Variants in RIMBP2 observed in about 807,000 individuals in gnomAD.
RIMBP2 encodes RIMS-binding protein 2.
In RIMBP2, 48 loss-of-function variants were observed where a neutral mutation model predicts 118.6. That is an observed-to-expected ratio of 0.40 (90% CI 0.32 to 0.51). RIMBP2 has a LOEUF of 0.51. RIMBP2 is among the 20% of genes least tolerant of loss of function. The pLI is 0.41. For synonymous variants in RIMBP2, 762 were observed against 742.9 expected, an observed-to-expected ratio of 1.03 and a Z score of -0.42; for missense variants, 1,551 against 1,768.3, an observed-to-expected ratio of 0.88 and a Z score of 2.20.
intron 1 of RIMBP2, among the ~76,000 whole-genome samples, chr12:130,664,374 TGCACGCACGCGCATGCACACACAC>T (rs2063780506): frequency 9.4e-6 from 1 of 106,100 alleles, no homozygotes; most frequent in African/African-American, 3.1e-5. Context: ...TGCACGTGCA[TGCACGCACGCGCATGCACACACAC>T]GCACGCACGC....
chr12:130,434,764 G>T lies in RIMBP2; in HGVS notation c.2223C>A (p.Asp741Glu). The T allele has an allele frequency of 6.2e-7, 1 of 1,613,644 alleles. No homozygotes were observed. The highest frequency in any genetic ancestry group is 8.5e-7 in the Non-Finnish European group (1 of 1,179,978). The change falls in exon 14 of 23, where the codon GAC (aspartate) becomes GAA (glutamate). Residue 741 changes from aspartate to glutamate, a missense_variant. By Grantham distance (45) the Asp-to-Glu change is conservative. Transcript: ENST00000690449. This position sits in a 1 kb window ranked among gnomAD's most constrained non-coding sequence, Gnocchi z 5.7. Reference sequence around the variant, plus strand: ...TGCCAAGTTCAGAGCCTTTCAGGAAGTCGTCCACCGAGGCGCCCCTCCTCT... The same window carrying T: ...TGCCAAGTTCAGAGCCTTTCAGGAATTCGTCCACCGAGGCGCCCCTCCTCT... ...DFKRRGASVD[D>E]FLKGSELGKQ...
At chr12:130,415,506 C>T (rs941841258) in intron 17 of RIMBP2, among the ~76,000 whole-genome samples, 1 of 152,230 alleles carries the variant, frequency 6.6e-6, no homozygotes, top group Admixed American at 6.5e-5. Flanking sequence ...GCAAGGATGC[C>T]TGCTCTCACC....
intron 1 of RIMBP2, among the ~76,000 whole-genome samples, chr12:130,636,418 G>A (rs1165435200): frequency 6.6e-6 from 1 of 152,156 alleles, no homozygotes; most frequent in Admixed American, 6.5e-5. Context: ...GTGCAGGTGC[G>A]AGGACCCAGC....
At chr12:130,439,348 T>C (rs1217530150) in intron 11 of RIMBP2, among the ~76,000 whole-genome samples, 1 of 151,074 alleles carries the variant, frequency 6.6e-6, no homozygotes, top group East Asian at 2.0e-4. Flanking sequence ...TGTGTGTAGA[T>C]GTGTGGGCAT....
At position 130,414,233 on chromosome 12, in the gene RIMBP2, G is replaced by A. The variant is rs2075959505; in HGVS notation, c.3312C>T (p.Leu1104=). ...AGAGAGCCACAAAGATCCGGGCCGG[G>A]AGCTCTTCGGCACCAGGGTCAGTTT... ...ESETDPGAEE[L]PARIFVALFD... Residue 1104 remains leucine (L), a synonymous_variant, in exon 18 of 23, where the codon CTC becomes CTT. Transcript: ENST00000690449. 6.2e-7 allele frequency: 1 copy of A among 1,613,974 alleles called. No individual in the cohort carries two copies.
chr12:130,556,006 G>A (rs1268136139), intron 2 of RIMBP2, among the ~76,000 whole-genome samples: 1 of 152,210 alleles, frequency 6.6e-6, no homozygotes, highest in East Asian at 1.9e-4. Flanking sequence ...ACATGGCATG[G>A]CAGGTGAGCC....
chr12:130,424,736 A>G lies in RIMBP2; in HGVS notation c.2535T>C (p.Cys845=). The G allele has an allele frequency of 8.1e-7, 1 of 1,232,218 alleles. No individual in the cohort carries two copies. Among genetic ancestry groups the G allele is most frequent in the Non-Finnish European group, 1.0e-6 (1 of 988,072 alleles). The allele number at this position is 1,232,218 out of a possible 1,614,324, so 76.3% of individuals were successfully genotyped here. A position where few individuals can be genotyped will look rare whatever the true frequency, so the allele number is the denominator to read the frequency against. The stretch of plus-strand genomic sequence containing the variant: ...CTGCACCCTGCTTGTGTAGCAGCCC[A>G]CAGCACTCTCCGTCCTCTTCCGCTA... ...PEVAEEDGEC[C]GLLHKQGAGP... The change falls in exon 16 of 23, where the codon TGT becomes TGC. Residue 845 remains cysteine (C), a synonymous_variant. Coordinates refer to ENST00000690449, the MANE Select transcript of RIMBP2 (RefSeq NM_001393629.1). The surrounding 1 kb of genome is among the most constrained non-coding windows in gnomAD (Gnocchi z 9.8).
intron 1 of RIMBP2, among the ~76,000 whole-genome samples, chr12:130,637,719 G>A (rs2062414289): frequency 6.6e-6 from 1 of 151,258 alleles, no homozygotes; most frequent in Non-Finnish European, 1.5e-5. Flanking sequence ...CGATGTCCTG[G>A]TGTAAATGTC....
intron 1 of RIMBP2, among the ~76,000 whole-genome samples, chr12:130,647,437 G>GCC (rs2136241372): frequency 1.4e-5 from 2 of 145,498 alleles, no homozygotes; most frequent in Non-Finnish European, 1.5e-5. Context: ...GGAGATGTTT[G>GCC]CTTCCCTATA....
At chr12:130,558,547 A>G (rs2056555507) in intron 2 of RIMBP2, among the ~76,000 whole-genome samples, 1 of 151,882 alleles carries the variant, frequency 6.6e-6, no homozygotes, top group Non-Finnish European at 1.5e-5. Context: ...GCTCAGTCCG[A>G]CTCCAGGGAC....
intron 21 of RIMBP2, among the ~76,000 whole-genome samples, chr12:130,400,785 G>A (rs2074463786): frequency 6.6e-6 from 1 of 152,124 alleles, no homozygotes; most frequent in African/African-American, 2.4e-5. Flanking sequence ...CCCAATTAAA[G>A]ACATTTCTCC....
intron 1 of RIMBP2, among the ~76,000 whole-genome samples, chr12:130,662,495 A>C (rs1422612713): frequency 6.6e-6 from 1 of 152,000 alleles, no homozygotes. Flanking sequence ...ATCTCTACTA[A>C]AAATTCAAAA....
At chr12:130,566,650 G>A (rs546937789) in intron 2 of RIMBP2, among the ~76,000 whole-genome samples, 2 of 152,336 alleles carry the variant, frequency 1.3e-5, no homozygotes, top group South Asian at 4.1e-4. Context: ...CTTCAGCTGA[G>A]CCTCCGGACT....
rs2061651734 is a variant in RIMBP2 at position 130,626,611 on chromosome 12, C to CCATCACCACGACTACCACTGG, written c.-217+1690_-217+1710dup. Among the ~76,000 whole-genome samples the CCATCACCACGACTACCACTGG allele has an allele frequency of 2.0e-5, 3 of 151,162 alleles. No individual in the cohort carries two copies. The East Asian group carries it at 5.9e-4, about 30-fold the overall frequency. On this transcript the variant is annotated intron_variant, in intron 2 of 22. Transcript: ENST00000690449. The stretch of plus-strand genomic sequence containing the variant: ...ACCGCCGGCATCACCACCATCTCCT[C>CCATCACCACGACTACCACTGG]CATCACCACGACTACCACTGGCATC...
chr12:130,414,362 G>A, intron 17 of RIMBP2, 56 bp from the exon 18 acceptor site: 1 of 1,496,374 alleles, frequency 6.7e-7, no homozygotes, highest in Non-Finnish European at 9.0e-7. Flanking sequence ...TGAGGAGCGT[G>A]CACGGGAAAT....
At chr12:130,482,794 C>A (rs28375477) in intron 4 of RIMBP2, among the ~76,000 whole-genome samples, 476 of 71,636 alleles carry the variant, frequency 6.6e-3, no homozygotes, top group South Asian at 0.028. Flanking sequence ...GACCTCATCC[C>A]AATACACCCA....
At position 130,576,841 on chromosome 12, in the gene RIMBP2, C is replaced by G. The variant is rs971567900; in HGVS notation, c.-217+51481G>C. Among the ~76,000 whole-genome samples the G allele has an allele frequency of 5.9e-5, 9 of 152,294 alleles. No homozygotes were observed. The highest frequency in any genetic ancestry group is 2.1e-4 in the South Asian group (1 of 4,822). Reference sequence around the variant, plus strand: ...GGCGTGTTTCCATCGCGTGTCCAGGCGCAGTGCCTGGGAGCAAATATCTCC... The same window carrying G: ...GGCGTGTTTCCATCGCGTGTCCAGGGGCAGTGCCTGGGAGCAAATATCTCC... On this transcript the variant is annotated intron_variant, in intron 2 of 22. Coordinates refer to ENST00000690449, the MANE Select transcript of RIMBP2 (RefSeq NM_001393629.1). The surrounding 1 kb of genome is among the most constrained non-coding windows in gnomAD (Gnocchi z 4.2).
intron 1 of RIMBP2, chr12:130,668,326 C>A (rs997284814): frequency 6.6e-6 from 1 of 152,266 alleles, no homozygotes; most frequent in Non-Finnish European, 1.5e-5. Flanking sequence ...TATGGCAGGG[C>A]AGCCTCAATG....
chr12:130,616,037 G>A (rs766123388), intron 2 of RIMBP2, among the ~76,000 whole-genome samples: 2 of 152,152 alleles, frequency 1.3e-5, no homozygotes, highest in South Asian at 2.1e-4. Flanking sequence ...GGAGAGTGAC[G>A]CAGTCGGATG....
Sources: allele counts gnomAD v4.1 joint callset (sites outside exome capture counted in the v4.1 genomes callset), GRCh38; gene constraint gnomAD v4.1.1; non-coding constraint Gnocchi (gnomAD v3.1); transcripts MANE v1.5; gene names NCBI Gene and HGNC (gene_info 2026-07-23, HGNC 2026-07-21).